The following GLIS3 variants were observed in gnomAD, a reference collection of about 807,000 sequenced individuals.
GLIS3 encodes zinc finger protein GLIS3.
A neutral mutation model predicts 78.6 loss-of-function variants in GLIS3; 53 were observed. That is an observed-to-expected ratio of 0.67 (90% CI 0.54 to 0.85). The LOEUF (loss-of-function observed/expected upper bound fraction) is 0.85. Among genes scored for constraint, GLIS3 ranks in the 40% least tolerant of loss-of-function variants. The pLI is 0.00. For missense variants in GLIS3, 1,703 were observed against 1,231.1 expected, an observed-to-expected ratio of 1.38 and a Z score of -5.74; for synonymous variants, 684 against 509.9, an observed-to-expected ratio of 1.34 and a Z score of -4.60.
intron 7 of GLIS3, among the ~76,000 whole-genome samples, chr9:3,889,484 A>G (rs1822284469): frequency 1.3e-5 from 2 of 152,218 alleles, no homozygotes; most frequent in African/African-American, 2.4e-5. Flanking sequence ...CTACTAAAGT[A>G]TTTGCTAAAT....
intron 4 of GLIS3, among the ~76,000 whole-genome samples, chr9:4,017,212 A>C (rs1437514642): frequency 6.6e-6 from 1 of 152,142 alleles, no homozygotes; most frequent in Non-Finnish European, 1.5e-5. Context: ...TTGGCTAGGC[A>C]TTTTCTTAGG....
At chr9:4,329,185 A>G (rs1401984488) in intron 2 of GLIS3, among the ~76,000 whole-genome samples, 1 of 152,106 alleles carries the variant, frequency 6.6e-6, no homozygotes, top group African/African-American at 2.4e-5. Flanking sequence ...TCCTTGAACC[A>G]AAAGCTCTCT....
At chr9:3,945,874 G>T (rs140371736) in intron 4 of GLIS3, among the ~76,000 whole-genome samples, 3 of 152,134 alleles carry the variant, frequency 2.0e-5, no homozygotes, top group Non-Finnish European at 4.4e-5. Context: ...AGAAGGGAAG[G>T]GGGAGGAAGA....
At chr9:4,115,447 C>T (rs1831564753) in intron 4 of GLIS3, among the ~76,000 whole-genome samples, 1 of 152,094 alleles carries the variant, frequency 6.6e-6, no homozygotes, top group African/African-American at 2.4e-5. Flanking sequence ...TTAATTGTAA[C>T]AGTTGTATGT....
intron 2 of GLIS3, among the ~76,000 whole-genome samples, chr9:4,199,193 G>A (rs1819137134): frequency 6.6e-6 from 1 of 152,000 alleles, no homozygotes; most frequent in South Asian, 2.1e-4. Context: ...TTCATAGAAG[G>A]GTCAAAGTCT....
At chr9:4,230,385 G>A (rs1822150063) in intron 2 of GLIS3, among the ~76,000 whole-genome samples, 1 of 152,170 alleles carries the variant, frequency 6.6e-6, no homozygotes, top group Admixed American at 6.5e-5. Flanking sequence ...TGCTAGATGG[G>A]AAGGGAGTCT....
intron 2 of GLIS3, among the ~76,000 whole-genome samples, chr9:4,315,480 G>A (rs76068966): frequency 0.052 from 7,931 of 152,136 alleles, 714 homozygotes; most frequent in African/African-American, 0.18. Context: ...TAAATAAAAT[G>A]AACCTCTATT....
the GLIS3 span, among the ~76,000 whole-genome samples, chr9:4,463,909 ATGAGTGAGAAC>A: frequency 5.3e-5 from 8 of 152,234 alleles, no homozygotes; most frequent in East Asian, 1.9e-4. Context: ...GACAGTTTCC[ATGAGTGAGAAC>A]TGAGTGAGAA....
intron 2 of GLIS3, chr9:4,310,612 G>C (rs1817334299): frequency 6.6e-6 from 1 of 152,304 alleles, no homozygotes; most frequent in South Asian, 2.1e-4. Flanking sequence ...AACTATATGT[G>C]TCTGAAGGTG....
At chr9:4,025,759 G>T (rs1053873331) in intron 4 of GLIS3, among the ~76,000 whole-genome samples, 1 of 152,138 alleles carries the variant, frequency 6.6e-6, no homozygotes, top group African/African-American at 2.4e-5. Flanking sequence ...TAAGGACAGA[G>T]GATAGGCCAC....
intron 6 of GLIS3, among the ~76,000 whole-genome samples, chr9:3,900,008 G>A (rs1362338033): frequency 3.9e-5 from 6 of 152,230 alleles, no homozygotes; most frequent in Admixed American, 6.5e-5. Context: ...GGAATAAGCC[G>A]TACAGACCTA....
chr9:3,877,047 T>C (rs1352758331), intron 8 of GLIS3, among the ~76,000 whole-genome samples: 2 of 152,126 alleles, frequency 1.3e-5, no homozygotes, highest in Admixed American at 1.3e-4. Flanking sequence ...TCAATGATCG[T>C]TTTTGTCTTA....
chr9:4,025,074 A>AC (rs113278416), intron 4 of GLIS3, among the ~76,000 whole-genome samples: 35 of 151,754 alleles, frequency 2.3e-4, no homozygotes, highest in East Asian at 1.4e-3. Context: ...AAATGGCGAG[A>AC]CCCCCATCTC....
At chr9:4,416,815 T>TTG in the GLIS3 span, among the ~76,000 whole-genome samples, 2 of 139,708 alleles carry the variant, frequency 1.4e-5, no homozygotes, top group African/African-American at 2.8e-5. Context: ...ATAGTCAGTT[T>TTG]TTTTTTTTTT....
At chr9:4,228,745 G>A (rs1287949110) in intron 2 of GLIS3, among the ~76,000 whole-genome samples, 1 of 152,178 alleles carries the variant, frequency 6.6e-6, no homozygotes, top group Non-Finnish European at 1.5e-5. Flanking sequence ...TCAAAATGAT[G>A]ATGCTTCCTC....
At chr9:3,984,350 C>T (rs1380456850) in intron 4 of GLIS3, among the ~76,000 whole-genome samples, 1 of 152,226 alleles carries the variant, frequency 6.6e-6, no homozygotes, top group Non-Finnish European at 1.5e-5. Flanking sequence ...TGGGAACACA[C>T]CTCTTGCATC....
the GLIS3 span, chr9:4,386,498 G>A: frequency 6.6e-6 from 1 of 152,100 alleles, no homozygotes; most frequent in African/African-American, 2.4e-5. Flanking sequence ...TTTAGTATAT[G>A]TGTTAACGGT....
chr9:4,398,199 C>G, the GLIS3 span, among the ~76,000 whole-genome samples: 1 of 148,732 alleles, frequency 6.7e-6, no homozygotes, highest in South Asian at 2.2e-4. Context: ...ATGGAATCCT[C>G]ACAAAATTGC....
At chr9:4,487,080 T>C in the GLIS3 span, among the ~76,000 whole-genome samples, 1 of 152,138 alleles carries the variant, frequency 6.6e-6, no homozygotes. Flanking sequence ...TTTTGTCATA[T>C]TCTCCACCTA....
Sources: gnomAD v4.1 joint callset for allele counts (sites outside exome capture counted in the v4.1 genomes callset) on GRCh38, gnomAD v4.1.1 for gene constraint, MANE v1.5 for transcripts, NCBI Gene and HGNC (gene_info 2026-07-23, HGNC 2026-07-21) for gene names.